URB1: variants seen among roughly 807,000 people sequenced by gnomAD.
URB1 encodes the protein nucleolar pre-ribosomal-associated protein 1.
A neutral mutation model predicts 242.3 loss-of-function variants in URB1; 197 were observed. That is an observed-to-expected ratio of 0.81 (90% confidence interval 0.72 to 0.91). The LOEUF (loss-of-function observed/expected upper bound fraction) is 0.91. Ranked by LOEUF, URB1 falls within the 40% of genes least tolerant of loss-of-function variation. URB1 has a pLI of 0.00. For synonymous variants in URB1, 1,153 were observed against 1,201.8 expected (o/e 0.96, Z 0.84); for missense variants, 2,721 against 2,860.5 (o/e 0.95, Z 1.11).
intron 4 of URB1, among the ~76,000 whole-genome samples, chr21:32,381,258 G>C (rs2033521512): frequency 6.6e-6 from 1 of 152,058 alleles, no homozygotes; most frequent in Non-Finnish European, 1.5e-5. Context: ...AACTCTTCAG[G>C]GCTTGTTCTG....
chr21:32,320,541 G>A lies in URB1; in HGVS notation c.5584C>T (p.Leu1862Phe). The change falls in exon 35 of 39, where the codon CTT becomes TTT. Residue 1862 changes from leucine to phenylalanine, a missense_variant. Transcript: ENST00000382751. ...GCAAAAGGTACTTACTTGCTTTCAA[G>A]GATGTGTAAAATCCATGTTAAAAGG... ...YSLLTWILHI[L>F]ESKFLETPLL... 6.4e-7 allele frequency: 1 copy of A among 1,551,232 alleles called. No individual in the cohort carries two copies. The highest frequency in any genetic ancestry group is 8.7e-7 in the Non-Finnish European group (1 of 1,146,422).
At chr21:32,321,039 G>A (rs2032759602) in intron 34 of URB1, among the ~76,000 whole-genome samples, 1 of 152,236 alleles carries the variant, frequency 6.6e-6, no homozygotes, top group Non-Finnish European at 1.5e-5. Context: ...CCACCTGGAA[G>A]GGAGGACATA....
intron 31 of URB1, 51 bp from the exon 32 acceptor site, chr21:32,324,653 A>G (rs2032807430): frequency 2.9e-6 from 4 of 1,396,928 alleles, no homozygotes; most frequent in East Asian, 5.0e-5. Context: ...GTTCAGAGCT[A>G]TGGTCAGTCC....
intron 33 of URB1, among the ~76,000 whole-genome samples, 188 bp from the exon 34 acceptor site, chr21:32,322,132 C>T (rs768154092): frequency 2.0e-5 from 3 of 151,980 alleles, no homozygotes; most frequent in Non-Finnish European, 2.9e-5. Flanking sequence ...AATAGAGGAT[C>T]GAGTCAAGTT....
intron 30 of URB1, among the ~76,000 whole-genome samples, chr21:32,331,663 A>T (rs2032894068): frequency 6.6e-6 from 1 of 152,236 alleles, no homozygotes. Context: ...CTCTCTAACA[A>T]AAAAGAATGG....
chr21:32,380,849 G>A (rs754633249), intron 4 of URB1, among the ~76,000 whole-genome samples: 3 of 152,158 alleles, frequency 2.0e-5, no homozygotes, highest in Admixed American at 6.5e-5. Flanking sequence ...CTGGGAGTCA[G>A]GGCCCTGGAA....
chr21:32,345,492 C>G lies in URB1; in HGVS notation c.3952G>C (p.Ala1318Pro), dbSNP rs370243879. Reference protein sequence around the residue: ...SRLLSTDSPPASGLYQEILAQ... With the variant: ...SRLLSTDSPPPSGLYQEILAQ... ...AGGATCTCCTGGTACAGCCCAGATG[C>G]TGGGGGACTGTCAGTGCTAAGAAGC... Residue 1318 changes from alanine (A) to proline (P), a missense_variant, in exon 23 of 39, where the codon GCA becomes CCA. By Grantham distance (27) the Ala-to-Pro change is conservative. Coordinates refer to ENST00000382751, the MANE Select transcript of URB1 (RefSeq NM_014825.3). 6.4e-7 allele frequency: 1 copy of G among 1,551,446 alleles called. No individual in the cohort carries two copies. The highest frequency in any genetic ancestry group is 8.7e-7 in the Non-Finnish European group (1 of 1,146,850).
intron 5 of URB1, among the ~76,000 whole-genome samples, chr21:32,376,811 TTTTG>T (rs35719368): frequency 0.062 from 9,339 of 150,396 alleles, 326 homozygotes; most frequent in Middle Eastern, 0.11. Flanking sequence ...CTAACTTTTG[TTTTG>T]TTTGTTTGTT....
chr21:32,361,954 T>C lies in URB1; in HGVS notation c.1577A>G (p.Asp526Gly). 1 of 1,551,568 alleles carries C rather than the reference T, an allele frequency of 6.4e-7. No homozygotes were observed. The highest frequency in any genetic ancestry group is 8.7e-7 in the Non-Finnish European group (1 of 1,146,876). The stretch of plus-strand genomic sequence containing the variant: ...GCTCCTTTTCTGCCCTTTCTTGTCA[T>C]CCTGTTTGGTCTCTTGCTTTTTAAG... Reference protein sequence around the residue: ...QSLKKQETKQDDKKGQKRSDG... With the variant: ...QSLKKQETKQGDKKGQKRSDG... The change falls in exon 12 of 39, where the codon GAT becomes GGT. Residue 526 changes from aspartate (D) to glycine (G), a missense_variant. By Grantham distance (94) the Asp-to-Gly change is moderately conservative (BLOSUM62 -1). Transcript: ENST00000382751.
rs955054572 is a variant in URB1, at chr21:32,347,162, T to C, written c.3662A>G (p.Tyr1221Cys). 21 of 1,548,930 alleles carry C rather than the reference T, an allele frequency of 1.4e-5. No homozygotes were observed. The African/African-American group carries it at 1.6e-4, about 12-fold the overall frequency. ...CGCCTGTGTGCGCCGGGCCAGGCAG[T>C]AGTCAAGCAGATCAGCCCCGACTGC... ...APAVGADLLDYCLARRTQAAL... is the reference protein window; with the variant it reads ...APAVGADLLDCCLARRTQAAL... Residue 1221 changes from tyrosine (Y) to cysteine (C), a missense_variant, in exon 22 of 39, where the codon TAC becomes TGC. By Grantham distance (194) the Tyr-to-Cys change is radical. Transcript: ENST00000382751.
chr21:32,378,390 C>T, intron 5 of URB1, 55 bp downstream of exon 5: 1 of 1,465,244 alleles, frequency 6.8e-7, no homozygotes, highest in South Asian at 1.2e-5. Flanking sequence ...AAACGGTTTG[C>T]AGTAGGTTTT....
Position 32,347,080 on chromosome 21 carries a change from G to A in URB1, c.3744C>T (p.Phe1248=), listed in dbSNP as rs1028479387. The change falls in exon 22 of 39, where the codon TTC becomes TTT. Residue 1248 remains phenylalanine (F), a synonymous_variant. Transcript: ENST00000382751. ...GGCCAGCCTGCAGGCACCACTGCTC[G>A]AACCACAGCAAGTGGGTGCAGCTCT... ...LQESCTHLLW[F]EQWCLQAGPG... 5.8e-6 allele frequency: 9 copies of A among 1,550,612 alleles called. No individual in the cohort carries two copies. In the Admixed American group the frequency reaches 9.8e-5, roughly 17 times the overall value.
At position 32,366,608 on chromosome 21, in the gene URB1, A is replaced by G; in HGVS notation, c.1335+10T>C. 6.4e-7 allele frequency: 1 copy of G among 1,551,260 alleles called. No individual in the cohort carries two copies. Among genetic ancestry groups the G allele is most frequent in the Non-Finnish European group, 8.7e-7 (1 of 1,146,754 alleles). On this transcript the variant is annotated intron_variant, in intron 10 of 38. Transcript: ENST00000382751. ...GCAGTTCCAGAAGTGGGGCAACCAC[A>G]TGGCCTTACGTTTAATGCTTGGGTG... is the stretch of plus-strand genomic sequence containing the variant.
intron 1 of URB1, among the ~76,000 whole-genome samples, chr21:32,388,318 T>G (rs922794051): frequency 6.6e-6 from 1 of 152,162 alleles, no homozygotes; most frequent in African/African-American, 2.4e-5. Flanking sequence ...ACATAAAGCA[T>G]CCAGCATCAC....
rs2032735303 is a variant in URB1 at position 32,319,309 on chromosome 21, G to C, written c.5700C>G (p.Cys1900Trp). Residue 1900 changes from cysteine (C) to tryptophan (W), a missense_variant, in exon 36 of 39, where the codon TGC becomes TGG. Transcript: ENST00000382751. ...TGGCAGGCTCCTGGGAGCTAGGCTG[G>C]CAAAGGCGCTGGCTCTCCCACTCCA... ...KAVEWESQRL[C>W]QPSSQEPAKR... 6.4e-7 allele frequency: 1 copy of C among 1,551,204 alleles called. No individual in the cohort carries two copies.
At chr21:32,385,878 G>A (rs1470558013) in intron 1 of URB1, among the ~76,000 whole-genome samples, 194 bp from the exon 2 acceptor site, 1 of 152,082 alleles carries the variant, frequency 6.6e-6, no homozygotes, top group East Asian at 1.9e-4. Context: ...CCGGCCGGGC[G>A]CGGTGGCTCA....
intron 25 of URB1, 105 bp downstream of exon 25, chr21:32,341,361 T>G: frequency 8.7e-7 from 1 of 1,147,640 alleles, no homozygotes; most frequent in Non-Finnish European, 1.2e-6. Flanking sequence ...TGACATCGGC[T>G]CCACCACGTG....
At chr21:32,377,174 T>C (rs1479018273) in intron 5 of URB1, 2 of 516,824 alleles carry the variant, frequency 3.9e-6, no homozygotes, top group Non-Finnish European at 7.7e-6. Context: ...TTTTTTTATC[T>C]TTTTTCTTTA....
At position 32,347,004 on chromosome 21, in the gene URB1, C is replaced by A; in HGVS notation, c.3820G>T (p.Val1274Leu). 5 of 1,544,430 alleles carry A rather than the reference C, an allele frequency of 3.2e-6. No individual in the cohort carries two copies. Among genetic ancestry groups the A allele is most frequent in the South Asian group, 1.2e-5 (1 of 83,530 alleles). ...DLDDFLPLIHVYLQCRTRSHF... is the reference protein window; with the variant it reads ...DLDDFLPLIHLYLQCRTRSHF... Reference sequence around the variant, plus strand: ...CTCCGTGTCCTGCACTGGAGGTACACATGGATGAGGGGAAGGAAGTCGTCC... The same window carrying A: ...CTCCGTGTCCTGCACTGGAGGTACAAATGGATGAGGGGAAGGAAGTCGTCC... Residue 1274 changes from valine (V) to leucine (L), a missense_variant, in exon 22 of 39, where the codon GTG (valine) becomes TTG (leucine). Transcript: ENST00000382751.
Sources: gnomAD v4.1 joint callset for allele counts (sites outside exome capture counted in the v4.1 genomes callset) on GRCh38, gnomAD v4.1.1 for gene constraint, MANE v1.5 for transcripts, NCBI Gene and HGNC (gene_info 2026-07-23, HGNC 2026-07-21) for gene names.